PRORP: variants seen among roughly 807,000 people sequenced by gnomAD.
PRORP encodes protein only RNase P catalytic subunit, also known as mitochondrial ribonuclease P catalytic subunit.
A neutral mutation model predicts 59.4 loss-of-function variants in PRORP; 51 were observed. The ratio of observed to expected loss-of-function variants is 0.86; its 90% confidence interval spans 0.69 to 1.08. The LOEUF is 1.08. Among genes scored for constraint, PRORP ranks in the 50% least tolerant of loss-of-function variants. The probability of loss-of-function intolerance (pLI) is 0.00; values close to 1 mark genes in which losing one functional copy is unlikely to be tolerated. For missense variants in PRORP, 646 were observed against 690.3 expected (o/e 0.94, Z 0.72); for synonymous variants, 231 against 245.6 (o/e 0.94, Z 0.55).
intron 4 of PRORP, among the ~76,000 whole-genome samples, chr14:35,167,643 GGTTTAAAGAATGCACA>G (rs1209609952): frequency 6.6e-6 from 1 of 152,164 alleles, no homozygotes; most frequent in East Asian, 1.9e-4. Flanking sequence ...TGGCTTCCAT[GGTTTAAAGAATGCACA>G]GGAAGTAATT....
chr14:35,126,562 C>T (rs1046968005), intron 2 of PRORP, among the ~76,000 whole-genome samples, 173 bp from the exon 3 acceptor site: 13 of 152,182 alleles, frequency 8.5e-5, no homozygotes, highest in African/African-American at 3.1e-4. Flanking sequence ...AGAGTACCAG[C>T]AGCTTCTTAA....
At chr14:35,259,509 T>C (rs942946730) in intron 5 of PRORP, among the ~76,000 whole-genome samples, 4 of 152,216 alleles carry the variant, frequency 2.6e-5, no homozygotes, top group Admixed American at 2.6e-4. Context: ...CTGTGTTTTG[T>C]CTCTGTTTTA....
chr14:35,129,828 T>C (rs2047192894), intron 4 of PRORP, among the ~76,000 whole-genome samples: 1 of 152,112 alleles, frequency 6.6e-6, no homozygotes, highest in Non-Finnish European at 1.5e-5. Context: ...AATACTTAAC[T>C]ATAGCCTATT....
chr14:35,257,017 C>T (rs1368911810), intron 5 of PRORP, among the ~76,000 whole-genome samples: 5 of 151,842 alleles, frequency 3.3e-5, no homozygotes, highest in African/African-American at 4.8e-5. Context: ...GGACTACAGG[C>T]GCTTGCCACC....
chr14:35,190,537 G>A (rs1393360896), intron 5 of PRORP, among the ~76,000 whole-genome samples: 1 of 151,522 alleles, frequency 6.6e-6, no homozygotes, highest in Admixed American at 6.6e-5. Flanking sequence ...ATGGAGTCTT[G>A]CTCTGTCACC....
chr14:35,209,828 G>A (rs2139164376), intron 5 of PRORP, among the ~76,000 whole-genome samples: 1 of 152,298 alleles, frequency 6.6e-6, no homozygotes, highest in Non-Finnish European at 1.5e-5. Flanking sequence ...GAGCCACCAT[G>A]CCTGGCCTCT....
chr14:35,262,866 T>G, intron 5 of PRORP: 1 of 1,541,206 alleles, frequency 6.5e-7, no homozygotes, highest in Non-Finnish European at 8.9e-7. Flanking sequence ...TTGTTCAGTA[T>G]CTCAAGCCCA....
At chr14:35,152,240 G>C (rs1392566179) in intron 4 of PRORP, among the ~76,000 whole-genome samples, 2 of 152,176 alleles carry the variant, frequency 1.3e-5, no homozygotes, top group Non-Finnish European at 2.9e-5. Context: ...AGAGAGCACA[G>C]GGTTGGGGAT....
intron 5 of PRORP, among the ~76,000 whole-genome samples, chr14:35,201,778 C>T (rs1232129353): frequency 1.3e-5 from 2 of 151,738 alleles, no homozygotes. Flanking sequence ...ATGCCTCAGC[C>T]TCCTGAATAG....
chr14:35,265,231 A>C (rs2051012261), intron 5 of PRORP, among the ~76,000 whole-genome samples: 1 of 152,114 alleles, frequency 6.6e-6, no homozygotes, highest in South Asian at 2.1e-4. Context: ...TCCAACCAAG[A>C]CCCAAGAAAA....
intron 4 of PRORP, among the ~76,000 whole-genome samples, chr14:35,167,023 A>G (rs2048201762): frequency 6.6e-6 from 1 of 152,266 alleles, no homozygotes; most frequent in Middle Eastern, 3.4e-3. Flanking sequence ...CTCAAGTCAG[A>G]TGCCATTTAT....
intron 4 of PRORP, among the ~76,000 whole-genome samples, chr14:35,148,734 C>T (rs937932548): frequency 3.9e-5 from 6 of 152,030 alleles, no homozygotes; most frequent in South Asian, 2.1e-4. Context: ...TTTGTCTCCA[C>T]GGAAAATCTG....
At chr14:35,129,606 C>G (rs1378854913) in intron 4 of PRORP, among the ~76,000 whole-genome samples, 2 of 151,740 alleles carry the variant, frequency 1.3e-5, no homozygotes, top group African/African-American at 4.8e-5. Flanking sequence ...TCTTGAGTAA[C>G]TGGAATTACA....
chr14:35,267,292 A>G (rs980350725), intron 6 of PRORP, among the ~76,000 whole-genome samples: 2 of 152,204 alleles, frequency 1.3e-5, no homozygotes, highest in Admixed American at 1.3e-4. Flanking sequence ...ATAAACAAAC[A>G]GGTAATGTCA....
chr14:35,175,598 T>TTTC (rs1286774006), intron 4 of PRORP, among the ~76,000 whole-genome samples: 9 of 152,242 alleles, frequency 5.9e-5, no homozygotes, highest in Non-Finnish European at 1.2e-4. Flanking sequence ...TTGTTTTTTT[T>TTTC]CTTGTAAATT....
At chr14:35,270,756 G>A (rs562499072) in intron 7 of PRORP, among the ~76,000 whole-genome samples, 160 bp downstream of exon 7, 2 of 152,102 alleles carry the variant, frequency 1.3e-5, no homozygotes, top group Non-Finnish European at 2.9e-5. Context: ...GAAAGAGTCT[G>A]CTAGAGTTTT....
At chr14:35,233,176 G>A (rs1314481612) in intron 5 of PRORP, among the ~76,000 whole-genome samples, 1 of 138,594 alleles carries the variant, frequency 7.2e-6, no homozygotes, top group Non-Finnish European at 1.6e-5. Context: ...TTTTGCGCCA[G>A]GGATACACCA....
intron 5 of PRORP, among the ~76,000 whole-genome samples, chr14:35,236,927 C>T (rs957400745): frequency 6.7e-6 from 1 of 149,604 alleles, no homozygotes; most frequent in African/African-American, 2.5e-5. Context: ...CTTTCTTTCT[C>T]TCTCTTTCTC....
At chr14:35,155,273 A>G (rs1387986354) in intron 4 of PRORP, among the ~76,000 whole-genome samples, 2 of 152,188 alleles carry the variant, frequency 1.3e-5, no homozygotes. Context: ...TTCAAAAATA[A>G]CTGGGAAATA....
Sources: gnomAD v4.1 joint callset for allele counts (sites outside exome capture counted in the v4.1 genomes callset) on GRCh38, gnomAD v4.1.1 for gene constraint, MANE v1.5 for transcripts, NCBI Gene and HGNC (gene_info 2026-07-23, HGNC 2026-07-21) for gene names.